LRRTM3: variants seen among roughly 807,000 people sequenced by gnomAD.
The protein encoded by LRRTM3 is leucine-rich repeat transmembrane neuronal protein 3.
In LRRTM3, 24 loss-of-function variants were observed where a neutral mutation model predicts 44.7. That is an observed-to-expected ratio of 0.54 (90% CI 0.39 to 0.76). The LOEUF (loss-of-function observed/expected upper bound fraction) is 0.76. Among genes scored for constraint, LRRTM3 ranks in the 30% least tolerant of loss-of-function variants. The pLI is 0.00. For synonymous variants in LRRTM3, 277 were observed against 278.7 expected (o/e 0.99, Z 0.06); for missense variants, 587 against 702.2 (o/e 0.84, Z 1.85).
rs904543386 is a variant in LRRTM3 at position 66,934,180 on chromosome 10, G to GA, written c.1536+5736dup. ...ATAAGCAATAATAATCCATTTTATT[G>GA]AAAAAAAAGAAAAACAGCTTCTATC... is the stretch of plus-strand genomic sequence containing the variant. On this transcript the variant is annotated intron_variant, in intron 2 of 2. Transcript: ENST00000361320. 9.3e-4 allele frequency among the ~76,000 whole-genome samples: 141 copies of GA among 151,116 alleles called. 1 individual carries two copies. Among genetic ancestry groups the GA allele is most frequent in the African/African-American group, 3.2e-3 (134 of 41,258 alleles).
chr10:67,035,879 T>C (rs1854017646), intron 2 of LRRTM3, among the ~76,000 whole-genome samples: 1 of 152,242 alleles, frequency 6.6e-6, no homozygotes, highest in Non-Finnish European at 1.5e-5. Flanking sequence ...CCCTATTTAG[T>C]AGCCAACATT....
chr10:67,088,055 A>C (rs2131899059), intron 2 of LRRTM3, among the ~76,000 whole-genome samples: 1 of 152,086 alleles, frequency 6.6e-6, no homozygotes. Context: ...AAATACCATG[A>C]TAATTTAAAG....
chr10:66,993,245 G>C (rs1851140278), intron 2 of LRRTM3, among the ~76,000 whole-genome samples: 1 of 152,234 alleles, frequency 6.6e-6, no homozygotes, highest in Admixed American at 6.5e-5. Flanking sequence ...AAGCATGATA[G>C]GTGGGATCCA....
intron 2 of LRRTM3, among the ~76,000 whole-genome samples, chr10:66,948,384 G>A (rs1318424200): frequency 6.6e-6 from 1 of 152,196 alleles, no homozygotes; most frequent in Non-Finnish European, 1.5e-5. Context: ...GAAATATCTA[G>A]ATCAAGGATA....
chr10:67,006,681 G>A (rs906204039), intron 2 of LRRTM3, among the ~76,000 whole-genome samples: 3 of 152,052 alleles, frequency 2.0e-5, no homozygotes, highest in African/African-American at 7.2e-5. Flanking sequence ...GATGCCATCA[G>A]CACACTATAA....
At chr10:67,048,218 T>C (rs1935089127) in intron 2 of LRRTM3, among the ~76,000 whole-genome samples, 1 of 152,128 alleles carries the variant, frequency 6.6e-6, no homozygotes, top group South Asian at 2.1e-4. Flanking sequence ...TGGAAGACCC[T>C]ACTCATGAAA....
In LRRTM3 at chr10:67,040,374, T is replaced by C. The variant is rs569545809; in HGVS notation, c.1537-57213T>C. Among the ~76,000 whole-genome samples, 20 of 152,230 alleles carry C rather than the reference T, an allele frequency of 1.3e-4. No individual in the cohort carries two copies. In the South Asian group the frequency reaches 3.3e-3, roughly 25 times the overall value. ...CTCAGTAGTAACTAGGTAAAGATTG[T>C]ACTGGTTCCCCAGTTGATAATGGGA... On this transcript the variant is annotated intron_variant, in intron 2 of 2. Coordinates refer to ENST00000361320, the MANE Select transcript of LRRTM3 (RefSeq NM_178011.5).
intron 2 of LRRTM3, among the ~76,000 whole-genome samples, chr10:66,941,739 G>A (rs1045972263): frequency 3.3e-5 from 5 of 152,180 alleles, no homozygotes; most frequent in African/African-American, 1.2e-4. Context: ...CAAGCCGCGT[G>A]AGCTGAGTGT....
At chr10:66,988,018 AC>A (rs1850829154) in intron 2 of LRRTM3, among the ~76,000 whole-genome samples, 1 of 152,150 alleles carries the variant, frequency 6.6e-6, no homozygotes, top group African/African-American at 2.4e-5. Flanking sequence ...TAGTATCAAA[AC>A]TTTATTTAAT....
chr10:66,961,687 T>G (rs969847182), intron 2 of LRRTM3, among the ~76,000 whole-genome samples: 1 of 152,154 alleles, frequency 6.6e-6, no homozygotes, highest in African/African-American at 2.4e-5. Flanking sequence ...AATTCTAGAT[T>G]TGTATATCCT....
chr10:67,064,073 A>G (rs1482334099), intron 2 of LRRTM3, among the ~76,000 whole-genome samples: 1 of 152,150 alleles, frequency 6.6e-6, no homozygotes, highest in Non-Finnish European at 1.5e-5. Flanking sequence ...CTTTTCACTT[A>G]ATAGTGCACT....
At chr10:66,974,240 C>T (rs1849895475) in intron 2 of LRRTM3, among the ~76,000 whole-genome samples, 2 of 152,160 alleles carry the variant, frequency 1.3e-5, no homozygotes, top group African/African-American at 4.8e-5. Context: ...TTTAGGCCTA[C>T]TTCTGATTCA....
chr10:67,022,446 C>T (rs1853082203), intron 2 of LRRTM3, among the ~76,000 whole-genome samples: 1 of 151,888 alleles, frequency 6.6e-6, no homozygotes, highest in Admixed American at 6.6e-5. Flanking sequence ...TTGGCTACTC[C>T]AAGATGACCC....
chr10:66,938,475 G>T (rs191617489), intron 2 of LRRTM3, among the ~76,000 whole-genome samples: 4 of 152,204 alleles, frequency 2.6e-5, no homozygotes, highest in Admixed American at 1.3e-4. Flanking sequence ...ATAAGGAAAA[G>T]AAAATATATT....
chr10:67,009,895 C>T (rs112130280), intron 2 of LRRTM3, among the ~76,000 whole-genome samples: 2,323 of 152,258 alleles, frequency 0.015, 29 homozygotes, highest in Non-Finnish European at 0.024. Context: ...GTCTCTTCTT[C>T]CTTCTTCACT....
At chr10:67,065,660 C>T (rs1204615262) in intron 2 of LRRTM3, among the ~76,000 whole-genome samples, 2 of 151,972 alleles carry the variant, frequency 1.3e-5, no homozygotes, top group African/African-American at 2.4e-5. Context: ...CCTGGTCCTC[C>T]ATGCCCTTTC....
At chr10:67,053,804 G>A (rs930370777) in intron 2 of LRRTM3, among the ~76,000 whole-genome samples, 3 of 152,182 alleles carry the variant, frequency 2.0e-5, no homozygotes, top group African/African-American at 4.8e-5. Context: ...TTCCCATTGA[G>A]ATTAATCTTT....
At chr10:66,939,860 A>G (rs1847902967) in intron 2 of LRRTM3, among the ~76,000 whole-genome samples, 2 of 152,172 alleles carry the variant, frequency 1.3e-5, no homozygotes, top group African/African-American at 4.8e-5. Flanking sequence ...AACTAATTTC[A>G]TTGTACTTGT....
chr10:66,946,842 G>A (rs890001724), intron 2 of LRRTM3, among the ~76,000 whole-genome samples: 1 of 152,050 alleles, frequency 6.6e-6, no homozygotes, highest in Non-Finnish European at 1.5e-5. Flanking sequence ...GGAAGTTCTT[G>A]ATAAACTTCT....
Sources: gnomAD v4.1 joint callset for allele counts (sites outside exome capture counted in the v4.1 genomes callset) on GRCh38, gnomAD v4.1.1 for gene constraint, MANE v1.5 for transcripts, NCBI Gene and HGNC (gene_info 2026-07-23, HGNC 2026-07-21) for gene names.